The following KCNH5 variants were observed in gnomAD, a reference collection of about 807,000 sequenced individuals.
KCNH5 encodes the protein potassium voltage-gated channel subfamily H member 5.
In KCNH5, 46 loss-of-function variants were observed where a neutral mutation model predicts 96.1. The observed-to-expected ratio is 0.48, with a 90% CI of 0.38 to 0.61. KCNH5 has a LOEUF of 0.61. Among genes scored for constraint, KCNH5 ranks in the 20% least tolerant of loss-of-function variants. The probability of loss-of-function intolerance (pLI) is 0.00; values close to 1 mark genes in which losing one functional copy is unlikely to be tolerated. For missense variants in KCNH5, 907 were observed against 1,225.8 expected, an observed-to-expected ratio of 0.74 and a Z score of 3.88; for synonymous variants, 439 against 449.8, an observed-to-expected ratio of 0.98 and a Z score of 0.30.
chr14:62,990,131 G>GA (rs968447057), intron 4 of KCNH5, among the ~76,000 whole-genome samples: 29 of 148,248 alleles, frequency 2.0e-4, no homozygotes, highest in African/African-American at 4.0e-4. Context: ...AAAACATTTT[G>GA]AAAAAAAAAG....
chr14:63,001,310 A>AAG, intron 4 of KCNH5, 21 bp downstream of exon 4: 1 of 1,589,262 alleles, frequency 6.3e-7, no homozygotes, highest in Non-Finnish European at 8.6e-7. Flanking sequence ...TTTTCAGTGT[A>AAG]GTAATTCTTT....
intron 7 of KCNH5, among the ~76,000 whole-genome samples, chr14:62,934,996 T>G (rs993411991): frequency 6.6e-6 from 1 of 152,072 alleles, no homozygotes; most frequent in Non-Finnish European, 1.5e-5. Context: ...CATCCAGAAC[T>G]CTACAACATG....
At chr14:62,825,576 T>G (rs1887206393) in intron 8 of KCNH5, among the ~76,000 whole-genome samples, 1 of 152,082 alleles carries the variant, frequency 6.6e-6, no homozygotes, top group African/African-American at 2.4e-5. Context: ...AATAAAAATT[T>G]AACAGGCAAA....
intron 1 of KCNH5, among the ~76,000 whole-genome samples, chr14:63,018,178 T>C (rs1891360952): frequency 6.6e-6 from 1 of 151,788 alleles, no homozygotes; most frequent in Non-Finnish European, 1.5e-5. Flanking sequence ...AAAGAGAGGC[T>C]TTATTAGCTG....
intron 1 of KCNH5, among the ~76,000 whole-genome samples, chr14:63,044,536 T>C (rs1442237895): frequency 1.3e-5 from 2 of 152,194 alleles, no homozygotes; most frequent in East Asian, 1.9e-4. Flanking sequence ...GAAGCACCAA[T>C]TTGTCCACAG....
intron 8 of KCNH5, among the ~76,000 whole-genome samples, chr14:62,802,940 G>A (rs767611582): frequency 4.4e-4 from 67 of 152,108 alleles, no homozygotes; most frequent in Non-Finnish European, 9.1e-4. Context: ...TCAGTAGCTC[G>A]AGACCAGCCT....
At chr14:63,012,595 G>A (rs1484293092) in intron 2 of KCNH5, among the ~76,000 whole-genome samples, 2 of 152,142 alleles carry the variant, frequency 1.3e-5, no homozygotes, top group African/African-American at 2.4e-5. Flanking sequence ...AGGGCCACAA[G>A]AAGATGTGTA....
chr14:62,804,912 CT>C (rs1886735175), intron 8 of KCNH5, among the ~76,000 whole-genome samples: 1 of 152,144 alleles, frequency 6.6e-6, no homozygotes, highest in African/African-American at 2.4e-5. Flanking sequence ...AAGCAATTTT[CT>C]TTTTTCACTT....
intron 7 of KCNH5, among the ~76,000 whole-genome samples, chr14:62,924,613 T>C (rs78033271): frequency 0.021 from 3,217 of 151,946 alleles, 61 homozygotes; most frequent in East Asian, 0.084. Flanking sequence ...TGTCTATATA[T>C]TTTTAAGTAT....
chr14:62,940,011 G>C (rs1024470817), intron 7 of KCNH5, among the ~76,000 whole-genome samples: 2 of 152,158 alleles, frequency 1.3e-5, no homozygotes, highest in African/African-American at 4.8e-5. Flanking sequence ...CTGCAAAGTA[G>C]AGACTATTAT....
intron 9 of KCNH5, among the ~76,000 whole-genome samples, chr14:62,781,701 T>A (rs1346644984): frequency 1.3e-5 from 2 of 152,158 alleles, no homozygotes; most frequent in Non-Finnish European, 2.9e-5. Flanking sequence ...GAGGTCAGAG[T>A]TTAAGGTTAT....
chr14:63,036,126 C>G (rs1295941249), intron 1 of KCNH5, among the ~76,000 whole-genome samples: 5 of 152,182 alleles, frequency 3.3e-5, no homozygotes, highest in Admixed American at 3.3e-4. Flanking sequence ...GTTTTAGGAA[C>G]GAGCAAGGGG....
At chr14:62,911,153 GAC>G (rs1889145050) in intron 7 of KCNH5, among the ~76,000 whole-genome samples, 1 of 151,878 alleles carries the variant, frequency 6.6e-6, no homozygotes, top group African/African-American at 2.4e-5. Flanking sequence ...TTGAGTGAAG[GAC>G]ACACAAGAAT....
intron 7 of KCNH5, among the ~76,000 whole-genome samples, chr14:62,883,135 T>C (rs2140078000): frequency 6.6e-6 from 1 of 152,368 alleles, no homozygotes; most frequent in East Asian, 1.9e-4. Context: ...ATCTGGGAGA[T>C]AAATAGCAGA....
At chr14:62,741,477 C>A (rs1885269958) in intron 10 of KCNH5, among the ~76,000 whole-genome samples, 1 of 152,046 alleles carries the variant, frequency 6.6e-6, no homozygotes. Context: ...AATAAATTAT[C>A]CAGATTTTAG....
intron 4 of KCNH5, among the ~76,000 whole-genome samples, chr14:62,992,927 C>T (rs1051599713): frequency 1.3e-5 from 2 of 151,944 alleles, no homozygotes; most frequent in African/African-American, 4.8e-5. Context: ...AGATTTTCTC[C>T]TAGTATTTTT....
intron 10 of KCNH5, among the ~76,000 whole-genome samples, chr14:62,756,955 G>A (rs188374520): frequency 7.2e-5 from 11 of 152,092 alleles, no homozygotes; most frequent in Admixed American, 3.3e-4. Context: ...AATAGATCAC[G>A]TTAAAAAGCT....
At chr14:62,861,486 C>T (rs533179835) in intron 7 of KCNH5, among the ~76,000 whole-genome samples, 1 of 152,116 alleles carries the variant, frequency 6.6e-6, no homozygotes, top group Non-Finnish European at 1.5e-5. Context: ...TGGAAAACTG[C>T]TATTTTTATA....
In KCNH5 at chr14:62,930,678, C is replaced by T. The variant is rs192813436; in HGVS notation, c.1369+19455G>A. Among the ~76,000 whole-genome samples the T allele has an allele frequency of 2.3e-3, 344 of 152,234 alleles. 2 individuals are homozygous for T. Among genetic ancestry groups the T allele is most frequent in the African/African-American group, 7.9e-3 (329 of 41,560 alleles). On this transcript the variant is annotated intron_variant, in intron 7 of 10. Transcript: ENST00000322893. ...AATTCACACAGCATTGTGAAGAATT[C>T]CCTGTGCACTACAGAATGCTGTTTA...
Sources: allele counts gnomAD v4.1 joint callset (sites outside exome capture counted in the v4.1 genomes callset), GRCh38; gene constraint gnomAD v4.1.1; transcripts MANE v1.5; gene names NCBI Gene and HGNC (gene_info 2026-07-23, HGNC 2026-07-21).